IQCH: variants seen among roughly 807,000 people sequenced by gnomAD.
The protein encoded by IQCH is IQ motif containing H.
Under a neutral mutation model 117.0 loss-of-function variants are expected in IQCH, and 98 were observed. The ratio of observed to expected loss-of-function variants is 0.84; its 90% CI spans 0.71 to 0.99. The LOEUF is 0.99. Ranked by LOEUF, IQCH falls within the 50% of genes least tolerant of loss-of-function variation. IQCH has a pLI of 0.00. For synonymous variants in IQCH, 412 were observed against 448.2 expected (o/e 0.92, Z 1.02); for missense variants, 1,102 against 1,243.8 (o/e 0.89, Z 1.72).
At chr15:67,285,057 A>G (rs766869138) in intron 4 of IQCH, among the ~76,000 whole-genome samples, 12 of 152,176 alleles carry the variant, frequency 7.9e-5, no homozygotes, top group Non-Finnish European at 1.6e-4. Context: ...TGGTTGAACT[A>G]TTTTACATTC....
At chr15:67,489,651 A>C (rs143895644) in intron 18 of IQCH, among the ~76,000 whole-genome samples, 1,704 of 152,054 alleles carry the variant, frequency 0.011, 23 homozygotes, top group Non-Finnish European at 0.017. Flanking sequence ...CTCTTAGAAC[A>C]GTGGTTTTCA....
chr15:67,449,984 G>A (rs1486566612), intron 16 of IQCH, among the ~76,000 whole-genome samples: 1 of 152,076 alleles, frequency 6.6e-6, no homozygotes, highest in Non-Finnish European at 1.5e-5. Context: ...TCTCTTTGAA[G>A]CAATTGTGAA....
rs561811068 is a variant in IQCH, at chr15:67,433,901, A to G, written c.2505+12324A>G. 6.6e-6 allele frequency among the ~76,000 whole-genome samples: 1 copy of G among 152,296 alleles called. No individual in the cohort carries two copies. Among genetic ancestry groups the G allele is most frequent in the East Asian group, 1.9e-4 (1 of 5,192 alleles). ...ACCTGTGGTCAAGACTTTTTATGTG[A>G]TAAATTTTCTCTTACAAAATTGTCC... On this transcript the variant is annotated intron_variant, in intron 16 of 20. Transcript: ENST00000335894. The surrounding 1 kb of genome is among the most constrained non-coding windows in gnomAD (Gnocchi z 5.4).
At chr15:67,377,093 G>T (rs1372532164) in intron 10 of IQCH, among the ~76,000 whole-genome samples, 1 of 148,666 alleles carries the variant, frequency 6.7e-6, no homozygotes, top group East Asian at 1.9e-4. Context: ...CTCTAGCCTG[G>T]GGACACAGCG....
In IQCH at chr15:67,388,643, T is replaced by G. The variant is rs1971183140; in HGVS notation, c.1457-188T>G. Among the ~76,000 whole-genome samples the G allele has an allele frequency of 6.6e-6, 1 of 152,200 alleles. No homozygotes were observed. Among genetic ancestry groups the G allele is most frequent in the African/African-American group, 2.4e-5 (1 of 41,450 alleles). On this transcript the variant is annotated intron_variant, in intron 11 of 20. Coordinates refer to ENST00000335894, the MANE Select transcript of IQCH (RefSeq NM_001031715.3). This position sits in a 1 kb window ranked among gnomAD's most constrained non-coding sequence, Gnocchi z 5.5. ...GTGGTGGTGTTATTTATATTTTCTT[T>G]AGAGAAATGCCGAACTGTAAAAAAG...
intron 4 of IQCH, chr15:67,304,523 A>G (rs781621514): frequency 3.9e-6 from 3 of 768,062 alleles, no homozygotes; most frequent in Non-Finnish European, 6.2e-6. Flanking sequence ...TTAGTAGTGT[A>G]AGATGTAATG....
chr15:67,448,672 C>A (rs560800329), intron 16 of IQCH, among the ~76,000 whole-genome samples: 2 of 152,186 alleles, frequency 1.3e-5, no homozygotes, highest in East Asian at 3.9e-4. Context: ...GTGAGTAGTG[C>A]CGCAATAAAC....
chr15:67,419,937 C>T (rs988306823), intron 15 of IQCH, among the ~76,000 whole-genome samples: 15 of 152,288 alleles, frequency 9.8e-5, no homozygotes, highest in African/African-American at 3.6e-4. Flanking sequence ...TCCACTGAAG[C>T]ACTATCTTTC....
In IQCH at chr15:67,384,607, T is replaced by C. The variant is rs1427213688; in HGVS notation, c.1373-329T>C. Among the ~76,000 whole-genome samples, 1 of 152,128 alleles carries C rather than the reference T, an allele frequency of 6.6e-6. No homozygotes were observed. Among genetic ancestry groups the C allele is most frequent in the African/African-American group, 2.4e-5 (1 of 41,438 alleles). On this transcript the variant is annotated intron_variant, in intron 10 of 20. Coordinates refer to ENST00000335894, the MANE Select transcript of IQCH (RefSeq NM_001031715.3). The surrounding 1 kb of genome is among the most constrained non-coding windows in gnomAD (Gnocchi z 4.3). ...AACGATATTTTTTTTAACCTGAGCA[T>C]AATTTTCTTACACATCCTTGTAAAC... is the stretch of plus-strand genomic sequence containing the variant.
At position 67,443,571 on chromosome 15, in the gene IQCH, T is replaced by C. The variant is rs2082330033; in HGVS notation, c.2506-21556T>C. Among the ~76,000 whole-genome samples, 2 of 152,204 alleles carry C rather than the reference T, an allele frequency of 1.3e-5. No homozygotes were observed. Among genetic ancestry groups the C allele is most frequent in the African/African-American group, 2.4e-5 (1 of 41,452 alleles). On this transcript the variant is annotated intron_variant, in intron 16 of 20. Coordinates refer to ENST00000335894, the MANE Select transcript of IQCH (RefSeq NM_001031715.3). The surrounding 1 kb of genome is among the most constrained non-coding windows in gnomAD (Gnocchi z 5.0). ...ATACCACCTGTACCCCAGTAACTTA[T>C]GGACTAAAATAAAATAAATAAATGC...
At position 67,296,545 on chromosome 15, in the gene IQCH, G is replaced by A. The variant is rs554375966; in HGVS notation, c.387+17033G>A. Among the ~76,000 whole-genome samples, 3 of 152,216 alleles carry A rather than the reference G, an allele frequency of 2.0e-5. No individual in the cohort carries two copies. In the South Asian group the frequency reaches 6.2e-4, roughly 32 times the overall value. Reference sequence around the variant, plus strand: ...GAGGCAGGCCATCATGCAGAAGATGGATTGGAAGCAAAGAGACCCATCTGA... The same window carrying A: ...GAGGCAGGCCATCATGCAGAAGATGAATTGGAAGCAAAGAGACCCATCTGA... On this transcript the variant is annotated intron_variant, in intron 4 of 20. Coordinates refer to ENST00000335894, the MANE Select transcript of IQCH (RefSeq NM_001031715.3).
intron 3 of IQCH, among the ~76,000 whole-genome samples, chr15:67,264,796 T>C (rs1284434211): frequency 6.6e-6 from 1 of 151,594 alleles, no homozygotes; most frequent in Non-Finnish European, 1.5e-5. Flanking sequence ...ACCACTGTAC[T>C]CCTCTATTTA....
chr15:67,399,673 AG>A (rs774155241), intron 13 of IQCH, among the ~76,000 whole-genome samples: 38 of 152,374 alleles, frequency 2.5e-4, no homozygotes, highest in Non-Finnish European at 4.7e-4. Flanking sequence ...AGCAGTAAAA[AG>A]CTCAACAAAG....
intron 1 of IQCH, chr15:67,255,152 C>G (rs914939054): frequency 8.3e-6 from 5 of 604,220 alleles, no homozygotes; most frequent in Non-Finnish European, 9.0e-6. Context: ...AGGTTACGCC[C>G]CAGAAGCAGG....
intron 4 of IQCH, among the ~76,000 whole-genome samples, chr15:67,295,367 G>C (rs1275458848): frequency 1.3e-5 from 2 of 152,146 alleles, no homozygotes; most frequent in African/African-American, 2.4e-5. Flanking sequence ...CCAAGTACTG[G>C]CTAATGAAAT....
In IQCH at chr15:67,458,500, C is replaced by T. The variant is rs1009690564; in HGVS notation, c.2506-6627C>T. ...GGACTCCCTGTTTCCATCCTTGCCCCCTCAGGGCCTCTTGTCAATGCAATT... is the reference window on the plus strand; with the variant it reads ...GGACTCCCTGTTTCCATCCTTGCCCTCTCAGGGCCTCTTGTCAATGCAATT... On this transcript the variant is annotated intron_variant, in intron 16 of 20. Transcript: ENST00000335894. The surrounding 1 kb of genome is among the most constrained non-coding windows in gnomAD (Gnocchi z 4.1). Among the ~76,000 whole-genome samples the T allele has an allele frequency of 6.6e-6, 1 of 152,216 alleles. No homozygotes were observed. The highest frequency in any genetic ancestry group is 1.5e-5 in the Non-Finnish European group (1 of 68,050).
Position 67,364,965 on chromosome 15 carries a change from C to T in IQCH, c.753+5080C>T, listed in dbSNP as rs780791175. Among the ~76,000 whole-genome samples the T allele has an allele frequency of 2.0e-5, 3 of 152,090 alleles. No homozygotes were observed. Among genetic ancestry groups the T allele is most frequent in the Non-Finnish European group, 4.4e-5 (3 of 68,032 alleles). The stretch of plus-strand genomic sequence containing the variant: ...TTGTTTTTGTTCTTGTTTTGAGATG[C>T]GGTCTCTCTCTGTCACCTAGTCTGC... On this transcript the variant is annotated intron_variant, in intron 8 of 20. Transcript: ENST00000335894. This position sits in a 1 kb window ranked among gnomAD's most constrained non-coding sequence, Gnocchi z 4.1.
In IQCH at chr15:67,411,263, C is replaced by T. The variant is rs891972850; in HGVS notation, c.2098-5668C>T. On this transcript the variant is annotated intron_variant, in intron 14 of 20. Coordinates refer to ENST00000335894, the MANE Select transcript of IQCH (RefSeq NM_001031715.3). The surrounding 1 kb of genome is among the most constrained non-coding windows in gnomAD (Gnocchi z 4.4). ...TTACACTCTGAAGAGGCAGCAGGGC[C>T]GGTGGGGAGCACTTACCCAGGAGTC... 8.5e-5 allele frequency among the ~76,000 whole-genome samples: 13 copies of T among 152,106 alleles called. No homozygotes were observed. Among genetic ancestry groups the T allele is most frequent in the African/African-American group, 2.9e-4 (12 of 41,412 alleles).
intron 4 of IQCH, among the ~76,000 whole-genome samples, chr15:67,326,064 C>A (rs1596186833): frequency 6.6e-6 from 1 of 152,008 alleles, no homozygotes. Context: ...TGTGCTGCAC[C>A]CATTAACTCG....
Sources: gnomAD v4.1 joint callset for allele counts (sites outside exome capture counted in the v4.1 genomes callset) on GRCh38, gnomAD v4.1.1 for gene constraint, Gnocchi (gnomAD v3.1) non-coding constraint, MANE v1.5 for transcripts, NCBI Gene and HGNC (gene_info 2026-07-23, HGNC 2026-07-21) for gene names.